The following IL1RAPL1 variants were observed in gnomAD, a reference collection of about 807,000 sequenced individuals.
IL1RAPL1 encodes the protein interleukin-1 receptor accessory protein-like 1.
IL1RAPL1 carries 3 observed loss-of-function variants against 48.4 expected under a neutral mutation model. The ratio of observed to expected loss-of-function variants is 0.06; its 90% CI spans 0.03 to 0.16. IL1RAPL1 has a LOEUF of 0.16. Ranked by LOEUF, IL1RAPL1 falls within the 10% of genes least tolerant of loss-of-function variation. IL1RAPL1 has a pLI of 1.00. For synonymous variants in IL1RAPL1, 185 were observed against 187.7 expected, an observed-to-expected ratio of 0.99 and a Z score of 0.12; for missense variants, 349 against 530.6, an observed-to-expected ratio of 0.66 and a Z score of 3.36.
intron 8 of IL1RAPL1, among the ~76,000 whole-genome samples, chrX:29,935,106 G>A (rs887861406): frequency 9.1e-6 from 1 of 109,853 alleles, no homozygotes; most frequent in African/African-American, 3.3e-5. Context: ...TTTTTTGGAT[G>A]TTTATGTGTT....
intron 2 of IL1RAPL1, among the ~76,000 whole-genome samples, chrX:29,083,863 T>C (rs1927895500): frequency 9.0e-6 from 1 of 111,344 alleles, no homozygotes; most frequent in Non-Finnish European, 1.9e-5. Flanking sequence ...TGACAAAAAT[T>C]GTGTGAAGGC....
intron 2 of IL1RAPL1, among the ~76,000 whole-genome samples, chrX:29,036,083 A>G (rs1000227446): frequency 1.8e-5 from 2 of 111,788 alleles, no homozygotes; most frequent in Non-Finnish European, 3.8e-5. Context: ...ATTAGCTTCG[A>G]GAAGACTTGA....
At chrX:29,617,459 C>T (rs1924322518) in intron 5 of IL1RAPL1, among the ~76,000 whole-genome samples, 1 of 112,173 alleles carries the variant, frequency 8.9e-6, no homozygotes, top group Admixed American at 9.5e-5. Flanking sequence ...AAAGGAAGCA[C>T]AGTCCTTAAT....
At chrX:28,638,753 A>C (rs1480618030) in intron 1 of IL1RAPL1, among the ~76,000 whole-genome samples, 2 of 110,499 alleles carry the variant, frequency 1.8e-5, no homozygotes, top group African/African-American at 6.6e-5. Context: ...TTAATATTTC[A>C]TTGGCTGATT....
intron 5 of IL1RAPL1, among the ~76,000 whole-genome samples, chrX:29,492,192 C>T (rs762207806): frequency 1.1e-4 from 12 of 112,349 alleles, no homozygotes; most frequent in Non-Finnish European, 1.7e-4. Flanking sequence ...TATTCACAAC[C>T]GTAAGTGAAG....
intron 5 of IL1RAPL1, among the ~76,000 whole-genome samples, chrX:29,562,113 CTAATCTATCTATCTATCTATCT>C (rs1437457204): frequency 5.3e-5 from 3 of 56,996 alleles, no homozygotes; most frequent in African/African-American, 2.6e-4. Context: ...ATCTATCTAT[CTAATCTATCTATCTATCTATCT>C]ATCTATCTAT....
At chrX:29,239,027 A>G (rs1203539112) in intron 2 of IL1RAPL1, among the ~76,000 whole-genome samples, 1 of 112,645 alleles carries the variant, frequency 8.9e-6, no homozygotes, top group Non-Finnish European at 1.9e-5. Context: ...TTCAAGAAAT[A>G]TGATTTTAAA....
At chrX:29,147,017 G>A (rs1051712914) in intron 2 of IL1RAPL1, among the ~76,000 whole-genome samples, 1 of 112,189 alleles carries the variant, frequency 8.9e-6, no homozygotes. Context: ...AGTTCAGATG[G>A]TTTGGTATAA....
chrX:28,892,655 G>A (rs996165022), intron 2 of IL1RAPL1, among the ~76,000 whole-genome samples: 34 of 110,376 alleles, frequency 3.1e-4, no homozygotes, highest in Non-Finnish European at 4.0e-4. Context: ...TCGTGGTGGT[G>A]TGGAGAGATA....
At chrX:29,491,675 CT>C (rs1935160694) in intron 5 of IL1RAPL1, among the ~76,000 whole-genome samples, 1 of 111,771 alleles carries the variant, frequency 8.9e-6, no homozygotes, top group African/African-American at 3.3e-5. Flanking sequence ...TAGCATATTC[CT>C]TTTTTTAAGA....
intron 5 of IL1RAPL1, among the ~76,000 whole-genome samples, chrX:29,544,749 G>GTA (rs1921556057): frequency 9.9e-6 from 1 of 100,800 alleles, no homozygotes; most frequent in Non-Finnish European, 2.0e-5. Flanking sequence ...GTGTGTGTGT[G>GTA]TATGTGTGTG....
chrX:29,437,913 C>T (rs1005837848), intron 5 of IL1RAPL1, among the ~76,000 whole-genome samples: 14 of 110,750 alleles, frequency 1.3e-4, no homozygotes, highest in African/African-American at 4.6e-4. Context: ...GAAGGCATTC[C>T]ATCTTCTCTT....
At chrX:29,803,409 A>ATACACATATGTATATATGTG (rs1930146570) in intron 6 of IL1RAPL1, among the ~76,000 whole-genome samples, 1 of 95,059 alleles carries the variant, frequency 1.1e-5, no homozygotes, top group Non-Finnish European at 2.1e-5. Flanking sequence ...ATATATGTGT[A>ATACACATATGTATATATGTG]TATGTGTATA....
intron 2 of IL1RAPL1, among the ~76,000 whole-genome samples, chrX:28,843,322 C>T (rs1921424210): frequency 9.1e-6 from 1 of 110,064 alleles, no homozygotes; most frequent in Non-Finnish European, 1.9e-5. Flanking sequence ...AAGGGCTTGG[C>T]TTAATTTCTA....
intron 2 of IL1RAPL1, among the ~76,000 whole-genome samples, chrX:29,142,056 TTAAAA>T (rs766221866): frequency 1.7e-3 from 191 of 112,142 alleles, no homozygotes; most frequent in African/African-American, 5.4e-3. Context: ...AACAGAAACC[TTAAAA>T]TAGATAACCT....
At chrX:28,873,407 G>A (rs1364406434) in intron 2 of IL1RAPL1, among the ~76,000 whole-genome samples, 3 of 108,521 alleles carry the variant, frequency 2.8e-5, no homozygotes, top group Non-Finnish European at 3.8e-5. Flanking sequence ...CACCGAGCCC[G>A]GCCTCTGAGC....
intron 2 of IL1RAPL1, among the ~76,000 whole-genome samples, chrX:29,223,923 C>A (rs1931031822): frequency 9.0e-6 from 1 of 111,278 alleles, no homozygotes; most frequent in Non-Finnish European, 1.9e-5. Flanking sequence ...CATATATAAA[C>A]ATTCCAGAAA....
chrX:28,914,265 G>T (rs1045656634), intron 2 of IL1RAPL1, among the ~76,000 whole-genome samples: 1 of 110,635 alleles, frequency 9.0e-6, no homozygotes, highest in Non-Finnish European at 1.9e-5. Flanking sequence ...AGGAAATATG[G>T]ACTCTATACT....
chrX:28,952,998 G>C (rs1260687391), intron 2 of IL1RAPL1, among the ~76,000 whole-genome samples: 1 of 111,280 alleles, frequency 9.0e-6, no homozygotes, highest in Non-Finnish European at 1.9e-5. Context: ...CTGGCAACTT[G>C]ATCTGTGTAA....
Sources: allele counts gnomAD v4.1 joint callset (sites outside exome capture counted in the v4.1 genomes callset), GRCh38; gene constraint gnomAD v4.1.1; transcripts MANE v1.5; gene names NCBI Gene and HGNC (gene_info 2026-07-23, HGNC 2026-07-21).